PDE1C: variants seen among roughly 807,000 people sequenced by gnomAD.
PDE1C encodes the protein dual specificity calcium/calmodulin-dependent 3',5'-cyclic nucleotide phosphodiesterase 1C.
PDE1C carries 62 observed loss-of-function variants against 93.1 expected under a neutral mutation model. The ratio of observed to expected loss-of-function variants is 0.67; its 90% CI spans 0.54 to 0.82. The LOEUF is 0.82. Among genes scored for constraint, PDE1C ranks in the 40% least tolerant of loss-of-function variants. PDE1C has a pLI of 0.00. For synonymous variants in PDE1C, 325 were observed against 310.1 expected, an observed-to-expected ratio of 1.05 and a Z score of -0.50; for missense variants, 742 against 884.6, an observed-to-expected ratio of 0.84 and a Z score of 2.04.
intron 1 of PDE1C, among the ~76,000 whole-genome samples, chr7:32,388,632 T>G (rs2128092426): frequency 7.1e-6 from 1 of 140,020 alleles, no homozygotes; most frequent in South Asian, 2.2e-4. Context: ...GAGCCATGAT[T>G]GCACCGCTGC....
At chr7:31,821,720 C>T (rs1167453285) in intron 14 of PDE1C, among the ~76,000 whole-genome samples, 1 of 152,112 alleles carries the variant, frequency 6.6e-6, no homozygotes, top group Non-Finnish European at 1.5e-5. Flanking sequence ...CCCTTTGCCT[C>T]ACCTGAAATG....
intron 2 of PDE1C, among the ~76,000 whole-genome samples, chr7:32,185,712 T>A (rs1803806262): frequency 6.6e-6 from 1 of 152,210 alleles, no homozygotes; most frequent in African/African-American, 2.4e-5. Flanking sequence ...CTGTCTACTT[T>A]CTAGAGCTCT....
intron 1 of PDE1C, among the ~76,000 whole-genome samples, chr7:32,408,911 C>G (rs1785112189): frequency 6.6e-6 from 1 of 152,106 alleles, no homozygotes; most frequent in Non-Finnish European, 1.5e-5. Flanking sequence ...CCTACAGATT[C>G]CTCAGAAGAC....
At chr7:32,100,677 G>A (rs11762583) in intron 3 of PDE1C, among the ~76,000 whole-genome samples, 27 of 152,102 alleles carry the variant, frequency 1.8e-4, no homozygotes, top group Non-Finnish European at 3.1e-4. Context: ...AATGGTATCT[G>A]AGGCAATGCA....
chr7:32,316,682 C>G (rs908991053), intron 1 of PDE1C, among the ~76,000 whole-genome samples: 31 of 152,298 alleles, frequency 2.0e-4, no homozygotes, highest in Admixed American at 1.2e-3. Flanking sequence ...ATGTTGATTA[C>G]ACTGTTGCCC....
chr7:31,666,278 A>G, the PDE1C span, among the ~76,000 whole-genome samples: 2 of 152,230 alleles, frequency 1.3e-5, no homozygotes, highest in Admixed American at 1.3e-4. Flanking sequence ...TTATTGGCCT[A>G]TGAGAAATTA....
intron 2 of PDE1C, among the ~76,000 whole-genome samples, chr7:31,891,407 C>T (rs1293379825): frequency 6.6e-6 from 1 of 152,116 alleles, no homozygotes; most frequent in Admixed American, 6.5e-5. Flanking sequence ...TAAACCTTTA[C>T]TTTCTGCTCC....
intron 1 of PDE1C, among the ~76,000 whole-genome samples, chr7:32,383,380 T>A (rs1250186120): frequency 6.6e-6 from 1 of 152,246 alleles, no homozygotes; most frequent in Non-Finnish European, 1.5e-5. Flanking sequence ...ATTTAATTGC[T>A]GTGTGACTTT....
intron 1 of PDE1C, among the ~76,000 whole-genome samples, chr7:32,374,119 G>GGAAGGAAGGAAGGAGA (rs1554313913): frequency 2.4e-5 from 3 of 125,674 alleles, no homozygotes; most frequent in East Asian, 2.3e-4. Context: ...AAGGAAGGAA[G>GGAAGGAAGGAAGGAGA]GAGAGAGAGA....
chr7:32,056,234 C>T (rs1794055212), intron 1 of PDE1C, among the ~76,000 whole-genome samples: 1 of 151,496 alleles, frequency 6.6e-6, no homozygotes. Flanking sequence ...GCAAGGGCAT[C>T]TTCACAAGGC....
At chr7:32,289,758 G>C (rs1191741477) in intron 1 of PDE1C, among the ~76,000 whole-genome samples, 2 of 152,230 alleles carry the variant, frequency 1.3e-5, no homozygotes, top group Non-Finnish European at 2.9e-5. Context: ...CTATAATGCT[G>C]GTGGTTACTA....
chr7:32,417,293 T>A (rs191375181), intron 1 of PDE1C, among the ~76,000 whole-genome samples: 4,979 of 149,960 alleles, frequency 0.033, 128 homozygotes, highest in Non-Finnish European at 0.047. Flanking sequence ...TTTTTTTTTT[T>A]AACCAGTGAT....
the PDE1C span, among the ~76,000 whole-genome samples, chr7:31,639,092 A>C: frequency 1.3e-5 from 2 of 152,012 alleles, no homozygotes; most frequent in Non-Finnish European, 2.9e-5. Context: ...TTTGATTTTC[A>C]TGTGCCTTGG....
chr7:32,301,877 T>C (rs1280390272), upstream of PDE1C, among the ~76,000 whole-genome samples: 1 of 152,228 alleles, frequency 6.6e-6, no homozygotes, highest in Non-Finnish European at 1.5e-5. Context: ...ATCACCTGTT[T>C]TTGTGGCGTC....
chr7:32,278,598 C>G (rs1006933315), intron 1 of PDE1C, among the ~76,000 whole-genome samples: 1 of 152,054 alleles, frequency 6.6e-6, no homozygotes, highest in Non-Finnish European at 1.5e-5. Context: ...GCAAATAAAC[C>G]AGGTTGCCTA....
intron 1 of PDE1C, among the ~76,000 whole-genome samples, chr7:32,315,797 A>G (rs1355235860): frequency 6.6e-6 from 1 of 152,104 alleles, no homozygotes; most frequent in Non-Finnish European, 1.5e-5. Context: ...GGTGTTCGAG[A>G]CCAGCCTAAC....
intron 2 of PDE1C, among the ~76,000 whole-genome samples, chr7:32,180,872 G>A (rs1190669239): frequency 6.6e-6 from 1 of 152,114 alleles, no homozygotes; most frequent in Non-Finnish European, 1.5e-5. Context: ...TGGGAGAGAG[G>A]ATTTAGAAAT....
the PDE1C span, among the ~76,000 whole-genome samples, chr7:31,646,005 T>G: frequency 6.6e-6 from 1 of 152,280 alleles, no homozygotes; most frequent in African/African-American, 2.4e-5. Context: ...GGGGAAAATA[T>G]TAAATCCTAG....
intron 1 of PDE1C, among the ~76,000 whole-genome samples, chr7:32,349,143 C>A (rs1783909434): frequency 6.6e-6 from 1 of 152,224 alleles, no homozygotes. Flanking sequence ...CTCGCAGTCA[C>A]CTGTGGCCTC....
Sources: allele counts gnomAD v4.1 joint callset (sites outside exome capture counted in the v4.1 genomes callset), GRCh38; gene constraint gnomAD v4.1.1; transcripts MANE v1.5; gene names NCBI Gene and HGNC (gene_info 2026-07-23, HGNC 2026-07-21).